DLC1: variants seen among roughly 807,000 people sequenced by gnomAD.
DLC1 encodes rho GTPase-activating protein 7.
DLC1 carries 54 observed loss-of-function variants against 140.3 expected under a neutral mutation model. The ratio of observed to expected loss-of-function variants is 0.38; its 90% CI spans 0.31 to 0.48. DLC1 has a LOEUF of 0.48. Ranked by LOEUF, DLC1 falls within the 20% of genes least tolerant of loss-of-function variation. The pLI is 0.96. For missense variants in DLC1, 2,536 were observed against 1,907.0 expected (o/e 1.33, Z -6.14); for synonymous variants, 986 against 728.1 (o/e 1.35, Z -5.70).
At chr8:13,546,294 C>T (rs962010424) in intron 1 of DLC1, among the ~76,000 whole-genome samples, 11 of 152,004 alleles carry the variant, frequency 7.2e-5, no homozygotes, top group Non-Finnish European at 5.9e-5. Flanking sequence ...AAAAATAGAC[C>T]AAGATTTCGG....
At chr8:13,443,207 G>A (rs1349702921) in intron 2 of DLC1, among the ~76,000 whole-genome samples, 1 of 151,450 alleles carries the variant, frequency 6.6e-6, no homozygotes, top group African/African-American at 2.4e-5. Flanking sequence ...CCTGTTGTGG[G>A]GTGGGGGGAA....
intron 4 of DLC1, among the ~76,000 whole-genome samples, chr8:13,386,033 C>G (rs550321499): frequency 3.9e-5 from 6 of 152,246 alleles, no homozygotes; most frequent in Admixed American, 3.9e-4. Flanking sequence ...ATGCTGTTGG[C>G]TTGCCATTTT....
chr8:13,337,531 A>T (rs990602053), intron 4 of DLC1, among the ~76,000 whole-genome samples: 5 of 152,222 alleles, frequency 3.3e-5, no homozygotes, highest in African/African-American at 1.2e-4. Context: ...AATTGTAAAT[A>T]GATGGAAAAA....
chr8:13,507,449 T>C (rs904156642), intron 1 of DLC1, among the ~76,000 whole-genome samples: 2 of 152,222 alleles, frequency 1.3e-5, no homozygotes, highest in Non-Finnish European at 2.9e-5. Context: ...TTTAAAATAT[T>C]CATGTTATCT....
At chr8:13,265,208 T>C (rs1291202660) in intron 5 of DLC1, among the ~76,000 whole-genome samples, 1 of 152,198 alleles carries the variant, frequency 6.6e-6, no homozygotes, top group Non-Finnish European at 1.5e-5. Flanking sequence ...CTTTTATTAA[T>C]TCACTGAAAT....
intron 1 of DLC1, chr8:13,535,927 G>A: frequency 6.6e-6 from 1 of 151,202 alleles, no homozygotes; most frequent in Non-Finnish European, 1.5e-5. Context: ...AATTATGTAA[G>A]TGTTAGCAAG....
chr8:13,199,262 G>A (rs532332275), intron 5 of DLC1, among the ~76,000 whole-genome samples: 19 of 133,380 alleles, frequency 1.4e-4, no homozygotes, highest in African/African-American at 5.2e-4. Context: ...ATAGCTCACT[G>A]TAACCTTGAA....
chr8:13,564,065 A>G, intron 1 of DLC1, among the ~76,000 whole-genome samples: 1 of 152,150 alleles, frequency 6.6e-6, no homozygotes, highest in Middle Eastern at 3.2e-3. Context: ...GTGGCTTATC[A>G]TTTTCTTTTT....
In DLC1 at chr8:13,502,171, A is replaced by C. The variant is rs112752044; in HGVS notation, c.-125-1975T>G. 5.4e-3 allele frequency among the ~76,000 whole-genome samples: 818 copies of C among 152,338 alleles called. 6 individuals carry two copies. Among genetic ancestry groups the C allele is most frequent in the African/African-American group, 0.018 (768 of 41,582 alleles). On this transcript the variant is annotated intron_variant, in intron 1 of 17. Coordinates refer to ENST00000276297, the MANE Select transcript of DLC1 (RefSeq NM_182643.3). ...TAATATTCATTAATTTCTGTCACTCAACCTTGACAAGTAGGTAAGTATTTC... is the reference window on the plus strand; with the variant it reads ...TAATATTCATTAATTTCTGTCACTCCACCTTGACAAGTAGGTAAGTATTTC...
intron 2 of DLC1, among the ~76,000 whole-genome samples, chr8:13,433,477 T>C (rs1838979414): frequency 6.6e-6 from 1 of 152,208 alleles, no homozygotes; most frequent in African/African-American, 2.4e-5. Context: ...ATGTAAAAAG[T>C]TAACAACCAA....
chr8:13,478,246 TG>T (rs1236693595), intron 2 of DLC1, among the ~76,000 whole-genome samples: 1 of 123,842 alleles, frequency 8.1e-6, no homozygotes, highest in African/African-American at 3.0e-5. Flanking sequence ...AAAGCAGGAG[TG>T]AGTGAGAGAG....
chr8:13,106,647 C>A lies in DLC1; in HGVS notation c.1503-3794G>T, dbSNP rs561416806. Among the ~76,000 whole-genome samples the A allele has an allele frequency of 3.0e-4, 45 of 152,362 alleles. 1 individual carries two copies. In the South Asian group the frequency reaches 4.6e-3, roughly 15 times the overall value. On this transcript the variant is annotated intron_variant, in intron 7 of 17. Transcript: ENST00000276297. Reference sequence around the variant, plus strand: ...CCACTGTGCCCGGCTACGTGCTTACCTTTTAACAGACCAGAAATTGTGACA... The same window carrying A: ...CCACTGTGCCCGGCTACGTGCTTACATTTTAACAGACCAGAAATTGTGACA...
chr8:13,420,096 TTC>T (rs903956148), intron 2 of DLC1, among the ~76,000 whole-genome samples: 9 of 152,230 alleles, frequency 5.9e-5, no homozygotes, highest in Admixed American at 3.3e-4. Flanking sequence ...TGTTTGATTC[TTC>T]TCTCTTTTTT....
chr8:13,517,877 C>A (rs1802641202), upstream of DLC1, among the ~76,000 whole-genome samples: 1 of 152,172 alleles, frequency 6.6e-6, no homozygotes, highest in South Asian at 2.1e-4. Flanking sequence ...AAAGCTAGTC[C>A]ATATAAAGCC....
intron 1 of DLC1, among the ~76,000 whole-genome samples, chr8:13,587,609 A>C (rs935867708): frequency 1.1e-5 from 1 of 87,268 alleles, no homozygotes; most frequent in African/African-American, 5.2e-5. Flanking sequence ...TTGCATATAT[A>C]TATATATATA....
intron 2 of DLC1, among the ~76,000 whole-genome samples, chr8:13,428,592 C>T (rs1471930691): frequency 2.6e-5 from 4 of 152,080 alleles, no homozygotes; most frequent in African/African-American, 7.2e-5. Context: ...AACACTAGTT[C>T]GGGAAATGGT....
intron 5 of DLC1, among the ~76,000 whole-genome samples, chr8:13,217,737 C>G (rs1828273404): frequency 6.6e-6 from 1 of 151,774 alleles, no homozygotes; most frequent in South Asian, 2.1e-4. Flanking sequence ...ACTTGGGAGG[C>G]TGAGGCAGGA....
chr8:13,129,453 T>C (rs1821895823), intron 5 of DLC1, among the ~76,000 whole-genome samples: 1 of 152,242 alleles, frequency 6.6e-6, no homozygotes, highest in Admixed American at 6.5e-5. Flanking sequence ...TATTTTTTAG[T>C]GTCTTGAATG....
At chr8:13,240,125 G>T (rs572055794) in intron 5 of DLC1, among the ~76,000 whole-genome samples, 1 of 151,952 alleles carries the variant, frequency 6.6e-6, no homozygotes, top group East Asian at 1.9e-4. Flanking sequence ...AAACTTCAGC[G>T]TACTGTGGAA....
Sources: gnomAD v4.1 joint callset for allele counts (sites outside exome capture counted in the v4.1 genomes callset) on GRCh38, gnomAD v4.1.1 for gene constraint, MANE v1.5 for transcripts, NCBI Gene and HGNC (gene_info 2026-07-23, HGNC 2026-07-21) for gene names.